The following FNBP1 variants were observed in gnomAD, a reference collection of about 807,000 sequenced individuals.
FNBP1 encodes the protein formin binding protein 1, also known as formin-binding protein 1.
Under a neutral mutation model 90.6 loss-of-function variants are expected in FNBP1, and 26 were observed. That is an observed-to-expected ratio of 0.29 (90% CI 0.21 to 0.40). The LOEUF (loss-of-function observed/expected upper bound fraction) is 0.40. Among genes scored for constraint, FNBP1 ranks in the 10% least tolerant of loss-of-function variants. The pLI is 1.00. For synonymous variants in FNBP1, 260 were observed against 265.2 expected (o/e 0.98, Z 0.19); for missense variants, 635 against 768.0 (o/e 0.83, Z 2.05).
At chr9:129,946,656 A>T (rs576445061) in intron 6 of FNBP1, among the ~76,000 whole-genome samples, 6 of 152,362 alleles carry the variant, frequency 3.9e-5, no homozygotes, top group African/African-American at 1.4e-4. Context: ...AAGAAAAGGA[A>T]GAAATTGTTA....
chr9:129,960,071 T>C (rs969631082), intron 4 of FNBP1, among the ~76,000 whole-genome samples: 3 of 152,090 alleles, frequency 2.0e-5, no homozygotes, highest in East Asian at 1.9e-4. Flanking sequence ...CATTCAACAG[T>C]TGATAGACAT....
chr9:129,944,299 T>G (rs565145142), intron 6 of FNBP1, among the ~76,000 whole-genome samples: 30 of 152,042 alleles, frequency 2.0e-4, no homozygotes, highest in African/African-American at 7.0e-4. Context: ...TCCCAGCACT[T>G]TGGGAGGCTG....
At chr9:129,955,088 A>G (rs1464405148) in intron 6 of FNBP1, among the ~76,000 whole-genome samples, 3 of 152,208 alleles carry the variant, frequency 2.0e-5, no homozygotes, top group Non-Finnish European at 2.9e-5. Flanking sequence ...ATGACTCAGC[A>G]AAACAGAGGG....
chr9:129,951,440 A>ATTTGTTTGTTTG (rs71385492), intron 6 of FNBP1, among the ~76,000 whole-genome samples: 100 of 148,914 alleles, frequency 6.7e-4, no homozygotes, highest in African/African-American at 2.3e-3. Flanking sequence ...TTATTTATTT[A>ATTTGTTTGTTTG]TTTGTTTGTT....
chr9:130,007,254 A>AG (rs899878491), intron 1 of FNBP1, among the ~76,000 whole-genome samples: 3 of 150,676 alleles, frequency 2.0e-5, no homozygotes, highest in Non-Finnish European at 4.4e-5. Context: ...AAAAAAAAAA[A>AG]AAAGAAAAAA....
intron 6 of FNBP1, among the ~76,000 whole-genome samples, chr9:129,953,207 C>T (rs2132664175): frequency 6.6e-6 from 1 of 152,184 alleles, no homozygotes; most frequent in Middle Eastern, 3.4e-3. Context: ...GAAATCTTGC[C>T]AGGTATGGTG....
rs2059800202 is a variant in FNBP1 at position 130,041,277 on chromosome 9, T to C, written c.24+1675A>G. Among the ~76,000 whole-genome samples, 1 of 152,230 alleles carries C rather than the reference T, an allele frequency of 6.6e-6. No homozygotes were observed. The highest frequency in any genetic ancestry group is 2.4e-5 in the African/African-American group (1 of 41,472). On this transcript the variant is annotated intron_variant, in intron 1 of 16. Coordinates refer to ENST00000446176, the MANE Select transcript of FNBP1 (RefSeq NM_015033.3). The surrounding 1 kb of genome is among the most constrained non-coding windows in gnomAD (Gnocchi z 4.3). ...TAGCCACTGCCTCTCTTTGGAATTA[T>C]ATTCTATCCCATTCACCAACATCAC...
At chr9:130,025,793 A>T (rs2058287617) in intron 1 of FNBP1, among the ~76,000 whole-genome samples, 1 of 152,128 alleles carries the variant, frequency 6.6e-6, no homozygotes, top group South Asian at 2.1e-4. Flanking sequence ...GCGTGGTGGC[A>T]CATGCCTGTA....
intron 12 of FNBP1, among the ~76,000 whole-genome samples, chr9:129,904,105 A>C (rs2037506174): frequency 6.6e-6 from 1 of 152,206 alleles, no homozygotes; most frequent in Non-Finnish European, 1.5e-5. Flanking sequence ...TGCAAACCAA[A>C]GCTACAGCTG....
In FNBP1 at chr9:129,916,147, T is replaced by C. The variant is rs2040227252; in HGVS notation, c.1171-167A>G. On this transcript the variant is annotated intron_variant, in intron 10 of 16. Transcript: ENST00000446176. ...TTATAAAAATGACTTGTAGCAGATC[T>C]GTGCAAAAGTTCACAAGAAGGGCTG... 6 of 597,680 alleles carry C rather than the reference T, an allele frequency of 1.0e-5. No individual in the cohort carries two copies. The South Asian group carries it at 1.2e-4, about 12-fold the overall frequency. The allele number at this position is 597,680 out of a possible 1,614,324, so 37.0% of individuals were successfully genotyped here.
chr9:130,047,033 G>A (rs546221211), upstream of FNBP1, among the ~76,000 whole-genome samples: 1 of 152,154 alleles, frequency 6.6e-6, no homozygotes, highest in East Asian at 1.9e-4. Flanking sequence ...CTTGGGGTGG[G>A]GGGCAGTCTT....
intron 11 of FNBP1, among the ~76,000 whole-genome samples, chr9:129,912,784 A>G (rs2039562029): frequency 6.6e-6 from 1 of 152,140 alleles, no homozygotes; most frequent in African/African-American, 2.4e-5. Context: ...TGTGAGTCCA[A>G]CAGAACTTTC....
intron 2 of FNBP1, among the ~76,000 whole-genome samples, chr9:129,993,057 T>C (rs930043512): frequency 4.0e-5 from 6 of 150,022 alleles, no homozygotes; most frequent in South Asian, 2.1e-4. Context: ...TGAAACACTC[T>C]CTCTACTAAA....
chr9:129,948,508 G>A (rs1455681285), intron 6 of FNBP1, among the ~76,000 whole-genome samples: 2 of 150,386 alleles, frequency 1.3e-5, no homozygotes, highest in African/African-American at 4.9e-5. Context: ...GGGATTACAG[G>A]CATGAGCCAC....
At chr9:129,947,270 G>GTC (rs1346217662) in intron 6 of FNBP1, among the ~76,000 whole-genome samples, 1 of 151,886 alleles carries the variant, frequency 6.6e-6, no homozygotes, top group African/African-American at 2.4e-5. Context: ...GTGAAATCCC[G>GTC]TCTCTACTAA....
intron 1 of FNBP1, among the ~76,000 whole-genome samples, chr9:130,010,698 C>T (rs137875742): frequency 6.6e-6 from 1 of 151,726 alleles, no homozygotes; most frequent in Admixed American, 6.6e-5. Context: ...ATTTCCCTGC[C>T]TCTGGACTCT....
chr9:130,052,395 C>T, the FNBP1 span, among the ~76,000 whole-genome samples: 1 of 152,180 alleles, frequency 6.6e-6, no homozygotes, highest in South Asian at 2.1e-4. Flanking sequence ...TTTAATGTTT[C>T]ATCACTATTG....
intron 12 of FNBP1, among the ~76,000 whole-genome samples, chr9:129,905,846 TGTTTA>T (rs952532499): frequency 6.6e-6 from 1 of 152,026 alleles, no homozygotes; most frequent in Non-Finnish European, 1.5e-5. Context: ...TATGATTTTT[TGTTTA>T]GTTTGTGGCT....
chr9:129,967,466 G>C (rs920311857), intron 4 of FNBP1, among the ~76,000 whole-genome samples: 2 of 152,138 alleles, frequency 1.3e-5, no homozygotes, highest in Non-Finnish European at 2.9e-5. Flanking sequence ...AGAGAGCCGA[G>C]ATAGCGCCAC....
Sources: allele counts gnomAD v4.1 joint callset (sites outside exome capture counted in the v4.1 genomes callset), GRCh38; gene constraint gnomAD v4.1.1; non-coding constraint Gnocchi (gnomAD v3.1); transcripts MANE v1.5; gene names NCBI Gene and HGNC (gene_info 2026-07-23, HGNC 2026-07-21).